MFSD11: variants seen among roughly 807,000 people sequenced by gnomAD.
MFSD11 encodes the protein UNC93-like protein MFSD11.
Under a neutral mutation model 53.5 loss-of-function variants are expected in MFSD11, and 36 were observed. That is an observed-to-expected ratio of 0.67 (90% CI 0.52 to 0.89). The LOEUF (loss-of-function observed/expected upper bound fraction) is 0.89, where lower values mean the gene tolerates loss of function less well. Among genes scored for constraint, MFSD11 ranks in the 40% least tolerant of loss-of-function variants. The probability of loss-of-function intolerance (pLI) is 0.00; values close to 1 mark genes in which losing one functional copy is unlikely to be tolerated. For synonymous variants in MFSD11, 186 were observed against 184.9 expected (o/e 1.01, Z -0.05); for missense variants, 530 against 543.9 (o/e 0.97, Z 0.25).
At position 76,751,239 on chromosome 17, in the gene MFSD11, A is replaced by C. The variant is rs529067226; in HGVS notation, c.642-2808A>C. ...CCCATCTCTACTAAAAATACAAAAAAATTAGCCAGGCGTAGTGGCAGGCGC... is the reference window on the plus strand; with the variant it reads ...CCCATCTCTACTAAAAATACAAAAACATTAGCCAGGCGTAGTGGCAGGCGC... On this transcript the variant is annotated intron_variant, in intron 7 of 12. Transcript: ENST00000685175. Among the ~76,000 whole-genome samples the C allele has an allele frequency of 4.6e-5, 7 of 151,756 alleles. No homozygotes were observed. In the East Asian group the frequency reaches 1.4e-3, roughly 30 times the overall value.
At chr17:76,755,780 G>GTATACATATATATATA (rs1324156634) in intron 8 of MFSD11, among the ~76,000 whole-genome samples, 5 of 67,814 alleles carry the variant, frequency 7.4e-5, no homozygotes, top group South Asian at 7.4e-4. Flanking sequence ...GTGTGTGTGT[G>GTATACATATATATATA]TGTGTGTATA....
chr17:76,800,526 G>T, the MFSD11 span, among the ~76,000 whole-genome samples: 1 of 152,042 alleles, frequency 6.6e-6, no homozygotes, highest in South Asian at 2.1e-4. Context: ...TAGCCAACTC[G>T]CAATGGATTG....
intron 5 of MFSD11, 28 bp downstream of exon 5, chr17:76,742,301 TC>T: frequency 6.4e-7 from 1 of 1,571,594 alleles, no homozygotes; most frequent in South Asian, 1.1e-5. Context: ...GTTCAGTCTT[TC>T]CTTTTCTTTC....
intron 7 of MFSD11, among the ~76,000 whole-genome samples, chr17:76,751,965 G>A (rs565196090): frequency 5.3e-5 from 8 of 152,260 alleles, no homozygotes; most frequent in African/African-American, 7.2e-5. Context: ...ATCATTGTGC[G>A]TCCCAGCCAT....
At chr17:76,746,346 A>G (rs932178958) in intron 7 of MFSD11, among the ~76,000 whole-genome samples, 2 of 152,244 alleles carry the variant, frequency 1.3e-5, no homozygotes, top group African/African-American at 4.8e-5. Context: ...TCCATGACAT[A>G]AAAGTGCAAG....
At chr17:76,745,357 A>G (rs2078440706) in intron 7 of MFSD11, 2 of 152,240 alleles carry the variant, frequency 1.3e-5, no homozygotes, top group Non-Finnish European at 2.9e-5. Context: ...ATATGCTGCC[A>G]TGCCCTGCTT....
downstream of MFSD11, among the ~76,000 whole-genome samples, chr17:76,783,323 A>G (rs989812366): frequency 6.6e-6 from 1 of 151,922 alleles, no homozygotes; most frequent in African/African-American, 2.4e-5. Context: ...CTTTTATTGC[A>G]AGTTTCATAT....
At chr17:76,740,010 CAAA>C (rs757455563) in intron 2 of MFSD11, among the ~76,000 whole-genome samples, 1 of 130,408 alleles carries the variant, frequency 7.7e-6, no homozygotes, top group Non-Finnish European at 1.7e-5. Context: ...ACTAAAAATA[CAAA>C]AAAAAAAAAA....
At chr17:76,763,943 GCCT>G (rs1460046172) in intron 8 of MFSD11, among the ~76,000 whole-genome samples, 1 of 151,728 alleles carries the variant, frequency 6.6e-6, no homozygotes, top group Non-Finnish European at 1.5e-5. Context: ...GCTCACTGCA[GCCT>G]CCTCCTCCTG....
Position 76,778,285 on chromosome 17 carries a change from C to A in MFSD11, c.1283C>A (p.Ser428Tyr). ...ATATTTGGGTTTTTTGGAACAATTT[C>A]TTTCTTCACTGTGGAATGGGAAGCT... ...MVIFGFFGTI[S>Y]FFTVEWEAAA... Residue 428 changes from serine (S) to tyrosine (Y), a missense_variant, in exon 13 of 13, where the codon TCT becomes TAT. By Grantham distance (144) the Ser-to-Tyr change is moderately radical. Coordinates refer to ENST00000685175, the MANE Select transcript of MFSD11 (RefSeq NM_001242532.5). The A allele has an allele frequency of 6.2e-7, 1 of 1,614,156 alleles. No homozygotes were observed.
At chr17:76,770,963 G>A (rs918512479) in intron 10 of MFSD11, among the ~76,000 whole-genome samples, 1 of 152,218 alleles carries the variant, frequency 6.6e-6, no homozygotes, top group African/African-American at 2.4e-5. Context: ...CATTCACTTT[G>A]GGAGGCCGAG....
chr17:76,791,831 T>G, the MFSD11 span, among the ~76,000 whole-genome samples: 1 of 147,594 alleles, frequency 6.8e-6, no homozygotes, highest in African/African-American at 2.6e-5. Flanking sequence ...CTGGTTTTGG[T>G]TTTTTGCTTG....
chr17:76,760,397 G>A (rs1176245976), intron 8 of MFSD11, among the ~76,000 whole-genome samples: 2 of 152,096 alleles, frequency 1.3e-5, no homozygotes, highest in Admixed American at 1.3e-4. Context: ...GGAGGGAGGG[G>A]GTTGGTCTTG....
At chr17:76,765,854 A>C (rs372216390) in intron 8 of MFSD11, among the ~76,000 whole-genome samples, 1 of 151,754 alleles carries the variant, frequency 6.6e-6, no homozygotes, top group Admixed American at 6.6e-5. Flanking sequence ...AACTGGGCAG[A>C]AAGTAGAGTT....
chr17:76,761,644 C>T (rs932148327), intron 8 of MFSD11, among the ~76,000 whole-genome samples: 8 of 152,214 alleles, frequency 5.3e-5, no homozygotes, highest in Non-Finnish European at 8.8e-5. Context: ...ATATACTGGC[C>T]GGGCGCAGTG....
chr17:76,748,906 C>T (rs1276873385), intron 7 of MFSD11, among the ~76,000 whole-genome samples: 1 of 152,098 alleles, frequency 6.6e-6, no homozygotes, highest in Non-Finnish European at 1.5e-5. Context: ...CTCCCACCCT[C>T]CCTTCCTCTC....
At chr17:76,761,566 A>G (rs927211730) in intron 8 of MFSD11, among the ~76,000 whole-genome samples, 3 of 152,256 alleles carry the variant, frequency 2.0e-5, no homozygotes, top group Admixed American at 6.5e-5. Flanking sequence ...TAAAAAATAC[A>G]TAGAAAAAGA....
intron 8 of MFSD11, among the ~76,000 whole-genome samples, chr17:76,764,108 G>A (rs989263081): frequency 4.0e-5 from 6 of 151,730 alleles, no homozygotes; most frequent in Admixed American, 6.6e-5. Context: ...CAAGCAATTC[G>A]CCTGCCTCCC....
chr17:76,779,885 G>T (rs565031836), downstream of MFSD11, among the ~76,000 whole-genome samples: 1 of 152,264 alleles, frequency 6.6e-6, no homozygotes, highest in South Asian at 2.1e-4. Flanking sequence ...CAATTTTCCT[G>T]GAAGATGCAA....
Sources: allele counts gnomAD v4.1 joint callset (sites outside exome capture counted in the v4.1 genomes callset), GRCh38; gene constraint gnomAD v4.1.1; transcripts MANE v1.5; gene names NCBI Gene and HGNC (gene_info 2026-07-23, HGNC 2026-07-21).